The following ANK3 variants were observed in gnomAD, a reference collection of about 807,000 sequenced individuals.
The protein encoded by ANK3 is ankyrin-3.
ANK3 carries 57 observed loss-of-function variants against 370.9 expected under a neutral mutation model. That is an observed-to-expected ratio of 0.15 (90% CI 0.12 to 0.19). The LOEUF is 0.19. Ranked by LOEUF, ANK3 falls within the 10% of genes least tolerant of loss-of-function variation. The probability of loss-of-function intolerance (pLI) is 1.00; values close to 1 mark genes in which losing one functional copy is unlikely to be tolerated. For synonymous variants in ANK3, 1,929 were observed against 1,946.3 expected, an observed-to-expected ratio of 0.99 and a Z score of 0.23; for missense variants, 4,439 against 5,302.1, an observed-to-expected ratio of 0.84 and a Z score of 5.06.
At chr10:60,157,391 G>A (rs1220103107) in intron 23 of ANK3, among the ~76,000 whole-genome samples, 1 of 149,688 alleles carries the variant, frequency 6.7e-6, no homozygotes, top group African/African-American at 2.5e-5. Context: ...CTGGAGTGTA[G>A]TGGTGCAATC....
chr10:60,463,976 C>A (rs754756783), intron 2 of ANK3, among the ~76,000 whole-genome samples: 1 of 151,812 alleles, frequency 6.6e-6, no homozygotes, highest in African/African-American at 2.4e-5. Context: ...GAAATGTAAT[C>A]CACTAAAACT....
intron 2 of ANK3, among the ~76,000 whole-genome samples, chr10:60,465,858 C>G (rs1301866737): frequency 7.1e-6 from 1 of 140,404 alleles, no homozygotes; most frequent in African/African-American, 2.7e-5. Flanking sequence ...TGGGAAAAGT[C>G]TAGCTATTTG....
At chr10:60,385,995 A>G (rs2062229854) in intron 1 of ANK3, among the ~76,000 whole-genome samples, 1 of 152,204 alleles carries the variant, frequency 6.6e-6, no homozygotes, top group South Asian at 2.1e-4. Context: ...ACGACAGTCA[A>G]TGTGCTAGGA....
intron 1 of ANK3, among the ~76,000 whole-genome samples, chr10:60,720,115 T>C (rs572431070): frequency 6.6e-6 from 1 of 152,334 alleles, no homozygotes; most frequent in South Asian, 2.1e-4. Context: ...ACAGAGAATT[T>C]GTGAGAAATG....
intron 24 of ANK3, chr10:60,138,590 A>G (rs1008455771): frequency 9.1e-6 from 4 of 440,258 alleles, no homozygotes; most frequent in African/African-American, 2.0e-5. Flanking sequence ...CAATCTATAC[A>G]CATATTTCTC....
At chr10:60,099,647 A>G (rs966653167) in intron 28 of ANK3, among the ~76,000 whole-genome samples, 3 of 152,140 alleles carry the variant, frequency 2.0e-5, no homozygotes, top group Admixed American at 1.3e-4. Context: ...TAGTCCCTAT[A>G]TGTCACTTTT....
intron 8 of ANK3, among the ~76,000 whole-genome samples, chr10:60,232,204 G>A (rs535567755): frequency 6.6e-6 from 1 of 152,216 alleles, no homozygotes; most frequent in African/African-American, 2.4e-5. Flanking sequence ...TCATTTTGCT[G>A]TTCTGTTGAT....
intron 10 of ANK3, 31 bp downstream of exon 10, chr10:60,208,005 T>C (rs1435608273): frequency 6.3e-7 from 1 of 1,597,046 alleles, no homozygotes; most frequent in Non-Finnish European, 8.6e-7. Flanking sequence ...GCAAGACAAC[T>C]GAGGCTGGAC....
chr10:60,111,118 G>A (rs1484602866), intron 26 of ANK3, among the ~76,000 whole-genome samples: 41 of 152,172 alleles, frequency 2.7e-4, no homozygotes, highest in Non-Finnish European at 1.0e-4. Context: ...ATGGATTGAT[G>A]GGTGGATAGA....
At chr10:60,322,727 T>C (rs1004566483) in intron 1 of ANK3, among the ~76,000 whole-genome samples, 2 of 152,156 alleles carry the variant, frequency 1.3e-5, no homozygotes, top group Non-Finnish European at 1.5e-5. Flanking sequence ...GCTTTTCTTA[T>C]AAAATTGTCT....
chr10:60,229,631 C>T (rs1292212581), intron 8 of ANK3, among the ~76,000 whole-genome samples: 2 of 152,216 alleles, frequency 1.3e-5, no homozygotes, highest in Non-Finnish European at 2.9e-5. Flanking sequence ...CTTGAAAACA[C>T]TTCATCTACC....
chr10:60,410,113 C>A (rs751753409), intron 2 of ANK3, among the ~76,000 whole-genome samples: 2 of 152,002 alleles, frequency 1.3e-5, no homozygotes, highest in African/African-American at 2.4e-5. Context: ...GTAGGTTTCA[C>A]GGTATCACAC....
intron 2 of ANK3, among the ~76,000 whole-genome samples, chr10:60,608,494 G>A (rs2078158830): frequency 6.6e-6 from 1 of 152,112 alleles, no homozygotes; most frequent in African/African-American, 2.4e-5. Flanking sequence ...GCATATCATT[G>A]TAGCTTAGAG....
At chr10:60,681,198 T>G (rs1191700967) in intron 1 of ANK3, among the ~76,000 whole-genome samples, 1 of 152,162 alleles carries the variant, frequency 6.6e-6, no homozygotes, top group South Asian at 2.1e-4. Context: ...TCATCTTGTT[T>G]CCAAATCTTG....
At chr10:60,431,676 A>G (rs1256639204) in intron 2 of ANK3, among the ~76,000 whole-genome samples, 1 of 152,204 alleles carries the variant, frequency 6.6e-6, no homozygotes, top group African/African-American at 2.4e-5. Context: ...AAGGGATAGC[A>G]TTAGGAGAAA....
chr10:60,315,612 C>T (rs1566517242), intron 1 of ANK3, among the ~76,000 whole-genome samples: 1 of 152,134 alleles, frequency 6.6e-6, no homozygotes, highest in African/African-American at 2.4e-5. Flanking sequence ...ATTGTCTAAC[C>T]TGTCCACCTG....
At position 60,234,703 on chromosome 10, in the gene ANK3, G is replaced by T; in HGVS notation, c.882C>A (p.Ile294=). Residue 294 remains isoleucine (I), a synonymous_variant, in exon 8 of 44, where the codon ATC becomes ATA. Coordinates refer to ENST00000280772, the MANE Select transcript of ANK3 (RefSeq NM_020987.5). ...GCACACTTACCCTGGTTTTGGCATC[G>T]ATTTTAGCTCCTCGATCGAGCAATA... is the stretch of plus-strand genomic sequence containing the variant. ...VKLLLDRGAK[I]DAKTRDGLTP... The T allele has an allele frequency of 6.2e-7, 1 of 1,612,384 alleles. No individual in the cohort carries two copies. The highest frequency in any genetic ancestry group is 8.5e-7 in the Non-Finnish European group (1 of 1,178,734).
chr10:60,579,239 C>T (rs888899290), intron 2 of ANK3, among the ~76,000 whole-genome samples: 18 of 148,620 alleles, frequency 1.2e-4, no homozygotes, highest in African/African-American at 4.2e-4. Context: ...GCAGGAGAAT[C>T]GCTTGAACCT....
chr10:60,087,244 T>C (rs1173107689), intron 29 of ANK3, among the ~76,000 whole-genome samples: 1 of 152,188 alleles, frequency 6.6e-6, no homozygotes, highest in Admixed American at 6.5e-5. Context: ...GGACATTCAG[T>C]AAAACCTCCT....
Sources: gnomAD v4.1 joint callset for allele counts (sites outside exome capture counted in the v4.1 genomes callset) on GRCh38, gnomAD v4.1.1 for gene constraint, MANE v1.5 for transcripts, NCBI Gene and HGNC (gene_info 2026-07-23, HGNC 2026-07-21) for gene names.